KRT81: variants seen among roughly 807,000 people sequenced by gnomAD.
KRT81 encodes keratin 81.
A neutral mutation model predicts 35.8 loss-of-function variants in KRT81; 35 were observed. The ratio of observed to expected loss-of-function variants is 0.98; its 90% CI spans 0.75 to 1.30. The LOEUF (loss-of-function observed/expected upper bound fraction) is 1.30. Among genes scored for constraint, KRT81 ranks in the 50% most tolerant of loss-of-function variants. The probability of loss-of-function intolerance (pLI) is 0.00; values close to 1 mark genes in which losing one functional copy is unlikely to be tolerated. For synonymous variants in KRT81, 249 were observed against 251.2 expected (o/e 0.99, Z 0.08); for missense variants, 531 against 577.4 (o/e 0.92, Z 0.82).
In KRT81 at chr12:52,288,072, A is replaced by C. The variant is rs144356330; in HGVS notation, c.812T>G (p.Met271Arg). Residue 271 changes from methionine (M) to arginine (R), a missense_variant, in exon 5 of 9, where the codon ATG (methionine) becomes AGG (arginine). Transcript: ENST00000327741. ...VKLDNSRDLNMDCIIAEIKAQ... is the reference protein window; with the variant it reads ...VKLDNSRDLNRDCIIAEIKAQ... ...CTTAATCTCGGCAATGATGCAGTCCATGTTCAGGTCCCGGCTGTTGTCCAG... is the reference window on the plus strand; with the variant it reads ...CTTAATCTCGGCAATGATGCAGTCCCTGTTCAGGTCCCGGCTGTTGTCCAG... 7.5e-5 allele frequency: 121 copies of C among 1,614,174 alleles called. No individual in the cohort carries two copies. In the East Asian group the frequency reaches 2.6e-3, roughly 34 times the overall value.
At chr12:52,288,665 C>G (rs1938046675) in intron 3 of KRT81, among the ~76,000 whole-genome samples, 1 of 152,080 alleles carries the variant, frequency 6.6e-6, no homozygotes, top group South Asian at 2.1e-4. Context: ...CATGCCTCAC[C>G]AGCCTTTCAC....
rs766315840 is a variant in KRT81, at chr12:52,287,311, C to T, written c.1038G>A (p.Leu346=). 1.1e-5 allele frequency: 18 copies of T among 1,614,014 alleles called. No individual in the cohort carries two copies. The highest frequency in any genetic ancestry group is 1.5e-5 in the Non-Finnish European group (18 of 1,180,032). ...VENAKCQNSK[L]EAAVAQSEQQ... Reference sequence around the variant, plus strand: ...GCTCAGACTGGGCCACCGCGGCCTCCAGCTTGGAGTTCTGAAGAGAACAGA... The same window carrying T: ...GCTCAGACTGGGCCACCGCGGCCTCTAGCTTGGAGTTCTGAAGAGAACAGA... Residue 346 remains leucine (L), a synonymous_variant, in exon 7 of 9, where the codon CTG becomes CTA. Transcript: ENST00000327741.
Position 52,288,468 on chromosome 12 carries a change from G to A in KRT81, c.640-12C>T. On this transcript the variant is annotated splice_polypyrimidine_tract_variant and intron_variant, in intron 3 of 8. Coordinates refer to ENST00000327741, the MANE Select transcript of KRT81 (RefSeq NM_002281.4). ...GCGCAGTCCACATCCTGGAAAGGTGGGGAGTGTTGGAGCTCAAGGACCCTG... is the reference window on the plus strand; with the variant it reads ...GCGCAGTCCACATCCTGGAAAGGTGAGGAGTGTTGGAGCTCAAGGACCCTG... 6.2e-7 allele frequency: 1 copy of A among 1,613,946 alleles called. No individual in the cohort carries two copies.
chr12:52,287,485 T>C (rs1937985381), intron 6 of KRT81, 111 bp downstream of exon 6: 24 of 1,603,080 alleles, frequency 1.5e-5, no homozygotes, highest in Non-Finnish European at 1.8e-5. Flanking sequence ...GGACTCTACA[T>C]GGACAAAGGG....
In KRT81 at chr12:52,286,331, C is replaced by G; in HGVS notation, c.1442G>C (p.Gly481Ala). The stretch of plus-strand genomic sequence containing the variant: ...ACCACAGGAGCCCACGCCGCAGGAA[C>G]CCCCTCCGCAGGTGGTGTTCAATTG... ...CGQLNTTCGGGSCGVGSCGIS... is the reference protein window; with the variant it reads ...CGQLNTTCGGASCGVGSCGIS... Residue 481 changes from glycine (G) to alanine (A), a missense_variant, in exon 9 of 9, where the codon GGT becomes GCT. Physicochemically the swap from Gly to Ala is moderately conservative, Grantham distance 60 (BLOSUM62 0). Coordinates refer to ENST00000327741, the MANE Select transcript of KRT81 (RefSeq NM_002281.4). 6.4e-7 allele frequency: 1 copy of G among 1,554,942 alleles called. No individual in the cohort carries two copies. Among genetic ancestry groups the G allele is most frequent in the East Asian group, 2.4e-5 (1 of 41,362 alleles).
chr12:52,286,222 G>T lies in KRT81; in HGVS notation c.*33C>A, dbSNP rs763763828. On this transcript the variant is annotated 3_prime_UTR_variant, in exon 9 of 9. Transcript: ENST00000327741. ...GGGCCAAGCAAGGCAGGGCAGGAAAGATGCCTGGGGCCTGGGACTTGAGTT... is the reference window on the plus strand; with the variant it reads ...GGGCCAAGCAAGGCAGGGCAGGAAATATGCCTGGGGCCTGGGACTTGAGTT... 9.1e-6 allele frequency: 14 copies of T among 1,534,854 alleles called. No individual in the cohort carries two copies. Among genetic ancestry groups the T allele is most frequent in the Non-Finnish European group, 1.1e-5 (12 of 1,131,916 alleles).
Position 52,286,865 on chromosome 12 carries a change from G to A in KRT81, c.1248-43C>T, listed in dbSNP as rs762328799. The A allele has an allele frequency of 1.9e-6, 3 of 1,610,674 alleles. No individual in the cohort carries two copies. In the African/African-American group the frequency reaches 4.0e-5, roughly 22 times the overall value. On this transcript the variant is annotated intron_variant, in intron 7 of 8. Transcript: ENST00000327741. The stretch of plus-strand genomic sequence containing the variant: ...AAAGGCAACATTAGTGACTGCCCCA[G>A]AGTGGCTGAAAAAGCTCCCCAGTTC...
At chr12:52,288,973 C>T (rs1938058417) in intron 3 of KRT81, among the ~76,000 whole-genome samples, 1 of 140,370 alleles carries the variant, frequency 7.1e-6, no homozygotes, top group African/African-American at 2.7e-5. Context: ...CAGAGCAGGA[C>T]ACACAGAGGA....
At chr12:52,288,776 C>T (rs1938051038) in intron 3 of KRT81, among the ~76,000 whole-genome samples, 1 of 152,098 alleles carries the variant, frequency 6.6e-6, no homozygotes, top group Non-Finnish European at 1.5e-5. Context: ...TTCCTGTCCC[C>T]CACAAGTGCT....
In KRT81 at chr12:52,291,441, C is replaced by T. The variant is rs1324822863; in HGVS notation, c.25G>A (p.Gly9Arg). 27 of 1,612,646 alleles carry T rather than the reference C, an allele frequency of 1.7e-5. No individual in the cohort carries two copies. The highest frequency in any genetic ancestry group is 2.2e-5 in the Non-Finnish European group (26 of 1,179,536). The change falls in exon 1 of 9, where the codon GGG (glycine) becomes AGG (arginine). Residue 9 changes from glycine to arginine, a missense_variant. Gly to Arg is a moderately radical substitution (Grantham distance 125). Coordinates refer to ENST00000327741, the MANE Select transcript of KRT81 (RefSeq NM_002281.4). ...GCCGAGATGCAGCTGAAGGCGCGCC[C>T]ACCAAATCCTGATCCGCAGGTCATG... MTCGSGFGGRAFSCISACG... is the reference protein window; with the variant it reads MTCGSGFGRRAFSCISACG...
chr12:52,287,618 T>C lies in KRT81; in HGVS notation c.1004A>G (p.Glu335Gly). ...LNRMIQRLTAEVENAKCQNSK... is the reference protein window; with the variant it reads ...LNRMIQRLTAGVENAKCQNSK... ...TACCTGGCACTTGGCATTCTCCACC[T>C]CGGCCGTCAGCCTTTGGATCATGCG... The change falls in exon 6 of 9, where the codon GAG becomes GGG. Residue 335 changes from glutamate (E) to glycine (G), a missense_variant. By Grantham distance (98) the Glu-to-Gly change is moderately conservative. Transcript: ENST00000327741. 1 of 1,613,948 alleles carries C rather than the reference T, an allele frequency of 6.2e-7. No individual in the cohort carries two copies. Among genetic ancestry groups the C allele is most frequent in the Non-Finnish European group, 8.5e-7 (1 of 1,179,842 alleles).
At chr12:52,288,950 A>G (rs1269170596) in intron 3 of KRT81, among the ~76,000 whole-genome samples, 1 of 144,918 alleles carries the variant, frequency 6.9e-6, no homozygotes, top group African/African-American at 2.6e-5. Flanking sequence ...GCAATAGACC[A>G]CAACCTCTGG....
chr12:52,286,623 C>T (rs1453112082), intron 8 of KRT81, 130 bp from the exon 9 acceptor site: 1 of 1,200,346 alleles, frequency 8.3e-7, no homozygotes, highest in Non-Finnish European at 1.2e-6. Context: ...ATTCTAGGTC[C>T]ATCTAGTCCA....
rs774624443 is a variant in KRT81, at chr12:52,286,785, A to G, written c.1279+6T>C. On this transcript the variant is annotated splice_donor_region_variant and intron_variant, in intron 8 of 8. Coordinates refer to ENST00000327741, the MANE Select transcript of KRT81 (RefSeq NM_002281.4). Reference sequence around the variant, plus strand: ...AATCTGTCCACACTGGACCCCAAATACTCACAGACATTCACAGCCCCAATG... The same window carrying G: ...AATCTGTCCACACTGGACCCCAAATGCTCACAGACATTCACAGCCCCAATG... 2 of 1,613,800 alleles carry G rather than the reference A, an allele frequency of 1.2e-6. No homozygotes were observed. The highest frequency in any genetic ancestry group is 1.7e-6 in the Non-Finnish European group (2 of 1,179,856).
At chr12:52,286,963 C>T in intron 7 of KRT81, 139 bp downstream of exon 7, 1 of 1,551,108 alleles carries the variant, frequency 6.4e-7, no homozygotes, top group African/African-American at 1.4e-5. Context: ...CAAACTCACA[C>T]ACCAGCCCTC....
In KRT81 at chr12:52,291,474, T is replaced by C. The variant is rs368423298; in HGVS notation, c.-9A>G. On this transcript the variant is annotated 5_prime_UTR_variant, in exon 1 of 9. Coordinates refer to ENST00000327741, the MANE Select transcript of KRT81 (RefSeq NM_002281.4). ...CCTGATCCGCAGGTCATGATCCTCC[T>C]GGACGTTTGGGTTGCAGAGGACAGG... 2.5e-6 allele frequency: 4 copies of C among 1,612,708 alleles called. No homozygotes were observed. The highest frequency in any genetic ancestry group is 3.4e-6 in the Non-Finnish European group (4 of 1,179,444).
At position 52,291,102 on chromosome 12, in the gene KRT81, C is replaced by A; in HGVS notation, c.364G>T (p.Asp122Tyr). Residue 122 changes from aspartate to tyrosine, a missense_variant, in exon 1 of 9, where the codon GAC (aspartate) becomes TAC (tyrosine). Asp to Tyr is a radical substitution (Grantham distance 160). Around this residue, in one of 5 missense-constraint regions of KRT81, gnomAD observed 194 missense variants for 198.2 expected, o/e 0.98. Coordinates refer to ENST00000327741, the MANE Select transcript of KRT81 (RefSeq NM_002281.4). ...SLNSRFAAFI[D>Y]KVRFLEQQNK... ...GTGTGATCCAGGACACCCACCTTGT[C>A]GATGAAGGCCGCGAACCTGCTGTTG... is the stretch of plus-strand genomic sequence containing the variant. 1 of 707,724 alleles carries A rather than the reference C, an allele frequency of 1.4e-6. No individual in the cohort carries two copies. The highest frequency in any genetic ancestry group is 2.1e-6 in the Non-Finnish European group (1 of 476,398). The allele number at this position is 707,724 out of a possible 1,614,324, so 43.8% of individuals were successfully genotyped here.
In KRT81 at chr12:52,286,841, A is replaced by C. The variant is rs1471640882; in HGVS notation, c.1248-19T>G. 1 of 1,613,632 alleles carries C rather than the reference A, an allele frequency of 6.2e-7. No homozygotes were observed. The highest frequency in any genetic ancestry group is 2.2e-5 in the East Asian group (1 of 44,904). On this transcript the variant is annotated intron_variant, in intron 7 of 8. Coordinates refer to ENST00000327741, the MANE Select transcript of KRT81 (RefSeq NM_002281.4). ...ACATAGCCTGAGGGCAAAAGAGAAA[A>C]AGGCAACATTAGTGACTGCCCCAGA... is the stretch of plus-strand genomic sequence containing the variant.
chr12:52,288,016 G>T lies in KRT81; in HGVS notation c.868C>A (p.Arg290=), dbSNP rs374156610. The change falls in exon 5 of 9, where the codon CGG becomes AGG. Residue 290 remains arginine, a synonymous_variant. Coordinates refer to ENST00000327741, the MANE Select transcript of KRT81 (RefSeq NM_002281.4). ...CGGTACCAGGACTCGGCCTCGGCCC[G>T]GCTGCGGGTGACAATGTCGTCATAC... ...AQYDDIVTRS[R]AEAESWYRSK... 3 of 1,614,218 alleles carry T rather than the reference G, an allele frequency of 1.9e-6. No individual in the cohort carries two copies. The highest frequency in any genetic ancestry group is 2.2e-5 in the East Asian group (1 of 44,886).
Sources: allele counts gnomAD v4.1 joint callset (sites outside exome capture counted in the v4.1 genomes callset), GRCh38; gene constraint gnomAD v4.1.1; regional missense constraint gnomAD v4.1.1; transcripts MANE v1.5; gene names NCBI Gene and HGNC (gene_info 2026-07-23, HGNC 2026-07-21).